The following INSC variants were observed in gnomAD, a reference collection of about 807,000 sequenced individuals.
INSC encodes the protein INSC spindle orientation adaptor protein.
A neutral mutation model predicts 58.6 loss-of-function variants in INSC; 67 were observed. The ratio of observed to expected loss-of-function variants is 1.14; its 90% CI spans 0.94 to 1.40. The LOEUF (loss-of-function observed/expected upper bound fraction) is 1.40. Ranked by LOEUF, INSC falls within the 40% of genes most tolerant of loss-of-function variation. The probability of loss-of-function intolerance (pLI) is 0.00; values close to 1 mark genes in which losing one functional copy is unlikely to be tolerated. For missense variants in INSC, 714 were observed against 692.0 expected (o/e 1.03, Z -0.36); for synonymous variants, 262 against 276.1 (o/e 0.95, Z 0.51).
At chr11:15,173,015 G>A (rs1327044878) in intron 2 of INSC, among the ~76,000 whole-genome samples, 1 of 152,236 alleles carries the variant, frequency 6.6e-6, no homozygotes, top group Non-Finnish European at 1.5e-5. Flanking sequence ...GTTTTTGAAA[G>A]TCAGTGTGGC....
intron 2 of INSC, among the ~76,000 whole-genome samples, chr11:15,157,001 T>C (rs569575724): frequency 1.3e-5 from 2 of 152,302 alleles, no homozygotes; most frequent in African/African-American, 2.4e-5. Context: ...TTTTGCTTTG[T>C]GTTTGAGTCT....
At chr11:15,169,861 T>A (rs1849334100) in intron 2 of INSC, among the ~76,000 whole-genome samples, 1 of 152,204 alleles carries the variant, frequency 6.6e-6, no homozygotes, top group South Asian at 2.1e-4. Context: ...CGTCTTATAT[T>A]ACCATGGCAC....
chr11:15,224,973 G>T (rs935625101), intron 8 of INSC, among the ~76,000 whole-genome samples: 1 of 152,188 alleles, frequency 6.6e-6, no homozygotes, highest in African/African-American at 2.4e-5. Flanking sequence ...GAGGGGTATA[G>T]TCTCTCTGTT....
downstream of INSC, among the ~76,000 whole-genome samples, chr11:15,250,188 G>T (rs1852635401): frequency 6.6e-6 from 1 of 152,138 alleles, no homozygotes; most frequent in African/African-American, 2.4e-5. Flanking sequence ...GTCACCACTA[G>T]TTGGAATCAG....
the INSC span, among the ~76,000 whole-genome samples, chr11:15,262,076 C>A: frequency 4.6e-5 from 7 of 152,052 alleles, no homozygotes; most frequent in Non-Finnish European, 8.8e-5. Context: ...TTTCTGGGTC[C>A]TAGTTCCTCA....
intron 1 of INSC, among the ~76,000 whole-genome samples, chr11:15,115,480 G>A (rs992607315): frequency 6.6e-6 from 1 of 152,172 alleles, no homozygotes; most frequent in Non-Finnish European, 1.5e-5. Context: ...GTCCCAGCTG[G>A]GGTGTCTTCT....
At position 15,159,469 on chromosome 11, in the gene INSC, C is replaced by A. The variant is rs2133778807; in HGVS notation, c.56+10239C>A. Among the ~76,000 whole-genome samples the A allele has an allele frequency of 2.0e-5, 3 of 152,232 alleles. No homozygotes were observed. In the Middle Eastern group the frequency reaches 0.01, roughly 518 times the overall value. On this transcript the variant is annotated intron_variant, in intron 2 of 12. Transcript: ENST00000379556. ...CAGAATAGAAAAAACAAAGCTAAAC[C>A]ATTTGTAGTCTATACATCAAATCCC...
At chr11:15,248,313 T>C (rs1283874243), downstream of INSC, among the ~76,000 whole-genome samples, 2 of 152,358 alleles carry the variant, frequency 1.3e-5, no homozygotes, top group East Asian at 3.9e-4. Flanking sequence ...AAGTACAATT[T>C]GGTGCCACTG....
chr11:15,137,724 G>T (rs1303223677), intron 1 of INSC, among the ~76,000 whole-genome samples: 1 of 152,192 alleles, frequency 6.6e-6, no homozygotes, highest in African/African-American at 2.4e-5. Context: ...AGGGAATGTT[G>T]TGTCTGGTTT....
At chr11:15,228,741 C>A (rs1851736190) in intron 9 of INSC, among the ~76,000 whole-genome samples, 1 of 152,212 alleles carries the variant, frequency 6.6e-6, no homozygotes, top group South Asian at 2.1e-4. Context: ...TACAGACTAC[C>A]TCTGTTTGGA....
intron 7 of INSC, 78 bp from the exon 8 acceptor site, chr11:15,221,399 C>T: frequency 6.7e-7 from 1 of 1,486,066 alleles, no homozygotes; most frequent in Non-Finnish European, 9.1e-7. Flanking sequence ...GGGGCTGAAT[C>T]TGTATCTGTC....
intron 4 of INSC, among the ~76,000 whole-genome samples, chr11:15,177,523 G>T (rs1469723832): frequency 6.6e-6 from 1 of 152,064 alleles, no homozygotes; most frequent in South Asian, 2.1e-4. Flanking sequence ...CCTTACACAC[G>T]CACATACACA....
the INSC span, among the ~76,000 whole-genome samples, chr11:15,256,784 G>C: frequency 6.6e-6 from 1 of 152,086 alleles, no homozygotes; most frequent in South Asian, 2.1e-4. Flanking sequence ...CACTGCACCT[G>C]GCCTGCAAGG....
chr11:15,114,852 C>T (rs923391520), upstream of INSC: 5 of 690,254 alleles, frequency 7.2e-6, no homozygotes, highest in African/African-American at 1.1e-4. Context: ...AGAGGGCGGG[C>T]GGGGGAGAAC....
At chr11:15,116,248 T>A (rs1847690070) in intron 1 of INSC, among the ~76,000 whole-genome samples, 1 of 152,236 alleles carries the variant, frequency 6.6e-6, no homozygotes, top group South Asian at 2.1e-4. Context: ...TGCTCCATGC[T>A]GTAGTTTATA....
intron 2 of INSC, among the ~76,000 whole-genome samples, chr11:15,150,994 G>T (rs1279636712): frequency 2.0e-5 from 3 of 152,150 alleles, no homozygotes; most frequent in Admixed American, 6.5e-5. Flanking sequence ...TTAAAGGGTA[G>T]TAGAAGTGCT....
chr11:15,198,162 GCCTGACCCTTA>G (rs1198107271), intron 6 of INSC, among the ~76,000 whole-genome samples: 2 of 152,074 alleles, frequency 1.3e-5, no homozygotes, highest in Non-Finnish European at 2.9e-5. Flanking sequence ...GCCTCACATA[GCCTGACCCTTA>G]CCCACTCTCC....
chr11:15,239,111 GGGGGTATTGGGGGT>G, intron 11 of INSC, 37 bp downstream of exon 11: 1 of 1,583,358 alleles, frequency 6.3e-7, no homozygotes, highest in Non-Finnish European at 8.6e-7. Context: ...GGAGTGGAGT[GGGGGTATTGGGGGT>G]GGGAGCAGCT....
At chr11:15,195,985 G>A (rs764746355) in intron 6 of INSC, among the ~76,000 whole-genome samples, 20 of 152,256 alleles carry the variant, frequency 1.3e-4, no homozygotes, top group Admixed American at 3.3e-4. Flanking sequence ...TATTTGCCAC[G>A]TTTAGTCATC....
Sources: gnomAD v4.1 joint callset for allele counts (sites outside exome capture counted in the v4.1 genomes callset) on GRCh38, gnomAD v4.1.1 for gene constraint, MANE v1.5 for transcripts, NCBI Gene and HGNC (gene_info 2026-07-23, HGNC 2026-07-21) for gene names.